The following SSX1 variants were observed in gnomAD, a reference collection of about 807,000 sequenced individuals.
The protein encoded by SSX1 is SSX family member 1.
A neutral mutation model predicts 14.6 loss-of-function variants in SSX1; 58 were observed. The ratio of observed to expected loss-of-function variants is 3.96; its 90% CI spans 3.21 to 4.93. The LOEUF (loss-of-function observed/expected upper bound fraction) is 4.93. Among genes scored for constraint, SSX1 ranks in the 30% most tolerant of loss-of-function variants. The pLI, the probability that SSX1 is intolerant of heterozygous loss-of-function variation, is 0.00. For synonymous variants in SSX1, 46 were observed against 52.1 expected (o/e 0.88, Z 0.50); for missense variants, 272 against 143.1 (o/e 1.90, Z -4.60).
chrX:48,261,865 G>A (rs1556935547), intron 5 of SSX1, 50 bp downstream of exon 5: 5 of 1,177,784 alleles, frequency 4.2e-6, no homozygotes, highest in Non-Finnish European at 5.8e-6. Flanking sequence ...TCCTTTCATG[G>A]ATGTGAACAC....
At position 48,266,869 on chromosome X, in the gene SSX1, A is replaced by T. The variant is rs1210933616; in HGVS notation, c.*20A>T. On this transcript the variant is annotated 3_prime_UTR_variant, in exon 8 of 8. Transcript: ENST00000376919. ...CTCGCCTCAGCCTGGGGGATACGAC[A>T]CATGCCCTTGATGAGAAGCAGAACG... The T allele has an allele frequency of 9.0e-7, 1 of 1,108,654 alleles. No individual in the cohort carries two copies. Among genetic ancestry groups the T allele is most frequent in the Non-Finnish European group, 1.2e-6 (1 of 816,885 alleles). The allele number at this position is 1,108,654 out of a possible 1,213,427, so 91.4% of individuals were successfully genotyped here. A position where few individuals can be genotyped will look rare whatever the true frequency, so the allele number is the denominator to read the frequency against.
intron 6 of SSX1, 59 bp downstream of exon 6, chrX:48,263,976 T>A: frequency 8.5e-7 from 1 of 1,183,076 alleles, no homozygotes; most frequent in South Asian, 1.9e-5. Context: ...TTCAGGTGTG[T>A]GGACTGGGTG....
intron 6 of SSX1, among the ~76,000 whole-genome samples, chrX:48,266,048 A>C (rs1300617973): frequency 1.8e-5 from 2 of 111,997 alleles, no homozygotes; most frequent in Non-Finnish European, 1.9e-5. Context: ...GTAAGTGAAG[A>C]GGTTGGTAAT....
At chrX:48,262,662 G>A (rs1308375768) in intron 5 of SSX1, among the ~76,000 whole-genome samples, 1 of 111,535 alleles carries the variant, frequency 9.0e-6, no homozygotes, top group African/African-American at 3.3e-5. Context: ...TGGTTTAGAA[G>A]GTAAAGGGAT....
intron 1 of SSX1, among the ~76,000 whole-genome samples, chrX:48,255,852 G>A (rs1556934205): frequency 9.6e-6 from 1 of 103,971 alleles, no homozygotes; most frequent in South Asian, 4.5e-4. Flanking sequence ...CAATCCTTCC[G>A]CCTCGGCCCT....
chrX:48,257,427 C>A, intron 2 of SSX1, 117 bp downstream of exon 2: 1 of 1,168,730 alleles, frequency 8.6e-7, no homozygotes, highest in East Asian at 3.1e-5. Flanking sequence ...CGGGGGAGAT[C>A]TGGACCCTTG....
intron 2 of SSX1, 66 bp from the exon 3 acceptor site, chrX:48,257,680 C>T (rs781827902): frequency 1.3e-4 from 154 of 1,141,842 alleles, no homozygotes; most frequent in Non-Finnish European, 1.7e-4. Context: ...ACACAGGAAG[C>T]GGCTCCAGCT....
Position 48,259,913 on chromosome X carries a change from T to C in SSX1, c.280+1282T>C, listed in dbSNP as rs782038209. Reference sequence around the variant, plus strand: ...TGTGAATAGTGCCACAATAAACATATGTGTGCATGTGTCTTTATAGCAGCA... The same window carrying C: ...TGTGAATAGTGCCACAATAAACATACGTGTGCATGTGTCTTTATAGCAGCA... On this transcript the variant is annotated intron_variant, in intron 4 of 7. Coordinates refer to ENST00000376919, the MANE Select transcript of SSX1 (RefSeq NM_005635.4). Among the ~76,000 whole-genome samples the C allele has an allele frequency of 4.2e-3, 438 of 103,627 alleles. 6 individuals carry two copies. The highest frequency in any genetic ancestry group is 0.014 in the African/African-American group (405 of 28,292). 90.0% of individuals were successfully genotyped at this position (103,627 alleles called of 115,157 possible). A position where few individuals can be genotyped will look rare whatever the true frequency, so the allele number is the denominator to read the frequency against.
Position 48,258,775 on chromosome X carries a change from T to TA in SSX1, c.280+145dup, listed in dbSNP as rs1485568812. On this transcript the variant is annotated intron_variant, in intron 4 of 7. Coordinates refer to ENST00000376919, the MANE Select transcript of SSX1 (RefSeq NM_005635.4). ...AAAAAATTGCATACAGAAAGTTAAC[T>TA]ACAGAGGCCATTCATAAAATTCTAA... The TA allele has an allele frequency of 1.2e-4, 51 of 436,271 alleles. No individual in the cohort carries two copies. The African/African-American group carries it at 1.3e-3, about 11-fold the overall frequency. The allele number at this position is 436,271 out of a possible 1,213,427, so 36.0% of individuals were successfully genotyped here. A position where few individuals can be genotyped will look rare whatever the true frequency, so the allele number is the denominator to read the frequency against.
In SSX1 at chrX:48,257,298, GAA is replaced by G. The variant is rs2059585710; in HGVS notation, c.58_59del (p.Lys20GlufsTer6). On this transcript the variant is annotated frameshift_variant, in exon 2 of 8. Coordinates refer to ENST00000376919, the MANE Select transcript of SSX1 (RefSeq NM_005635.4). LOFTEE classifies it high-confidence loss of function. ...RPRDDAKASE[K>X]RSKAFDDIAT... ...CCAGGGATGATGCTAAAGCATCAGA[GAA>G]GAGAAGCAAGGTGACGTGACCTGGA... 1 of 1,208,918 alleles carries G rather than the reference GAA, an allele frequency of 8.3e-7. No homozygotes were observed. The highest frequency in any genetic ancestry group is 1.1e-6 in the Non-Finnish European group (1 of 894,530).
chrX:48,261,955 G>C lies in SSX1; in HGVS notation c.330+140G>C, dbSNP rs1450581521. 7.4e-6 allele frequency: 5 copies of C among 674,345 alleles called. No individual in the cohort carries two copies. In the African/African-American group the frequency reaches 1.1e-4, roughly 15 times the overall value. The allele number at this position is 674,345 out of a possible 1,213,427, so 55.6% of individuals were successfully genotyped here. A position where few individuals can be genotyped will look rare whatever the true frequency, so the allele number is the denominator to read the frequency against. The stretch of plus-strand genomic sequence containing the variant: ...CTATCACAACAACTTATGTAGCACC[G>C]ACGGCTTGATAATACTAACAGTTGT... On this transcript the variant is annotated intron_variant, in intron 5 of 7. Coordinates refer to ENST00000376919, the MANE Select transcript of SSX1 (RefSeq NM_005635.4).
intron 3 of SSX1, among the ~76,000 whole-genome samples, chrX:48,258,190 T>TC (rs2059590564): frequency 4.7e-5 from 4 of 85,330 alleles, no homozygotes; most frequent in African/African-American, 1.9e-4. Context: ...TCTCCCTTTT[T>TC]TTTTTTTTTT....
At chrX:48,266,741 G>A (rs782458442) in intron 7 of SSX1, 113 bp from the exon 8 acceptor site, 11 of 552,847 alleles carry the variant, frequency 2.0e-5, no homozygotes, top group Non-Finnish European at 3.0e-5. Context: ...CCAGGTCCTG[G>A]GGTAGGGCAG....
chrX:48,257,374 G>T, intron 2 of SSX1, 64 bp downstream of exon 2: 2 of 1,189,753 alleles, frequency 1.7e-6, no homozygotes, highest in South Asian at 3.7e-5. Context: ...CCAGGTTTCT[G>T]AGGAGGGGAG....
chrX:48,266,930 T>C lies in SSX1; in HGVS notation c.*81T>C, dbSNP rs782136879. The stretch of plus-strand genomic sequence containing the variant: ...TCACGAACATGGGCATGGCTGCGGC[T>C]CCCTCGTCATCAGGTGCATAGCAAG... On this transcript the variant is annotated 3_prime_UTR_variant, in exon 8 of 8. Coordinates refer to ENST00000376919, the MANE Select transcript of SSX1 (RefSeq NM_005635.4). 8.5e-4 allele frequency: 877 copies of C among 1,032,331 alleles called. 5 individuals are homozygous for C. In the East Asian group the frequency reaches 0.013, roughly 16 times the overall value. The allele number at this position is 1,032,331 out of a possible 1,213,427, so 85.1% of individuals were successfully genotyped here. A position where few individuals can be genotyped will look rare whatever the true frequency, so the allele number is the denominator to read the frequency against.
intron 6 of SSX1, among the ~76,000 whole-genome samples, chrX:48,265,853 C>T (rs1195717860): frequency 3.6e-5 from 4 of 111,615 alleles, no homozygotes; most frequent in Non-Finnish European, 5.6e-5. Flanking sequence ...CATCAAAGCT[C>T]ACTGATCACA....
chrX:48,266,205 G>A lies in SSX1; in HGVS notation c.467-82G>A, dbSNP rs1311178135. Reference sequence around the variant, plus strand: ...GCCCATGGGCACTTGGGAGGGAGGAGGCATCTCCTTTTTTTGAGAAAACAG... The same window carrying A: ...GCCCATGGGCACTTGGGAGGGAGGAAGCATCTCCTTTTTTTGAGAAAACAG... On this transcript the variant is annotated intron_variant, in intron 6 of 7. Transcript: ENST00000376919. The A allele has an allele frequency of 1.3e-5, 16 of 1,198,287 alleles. No homozygotes were observed. The East Asian group carries it at 3.9e-4, about 29-fold the overall frequency.
intron 6 of SSX1, 63 bp downstream of exon 6, chrX:48,263,980 C>T (rs1310834916): frequency 2.5e-6 from 3 of 1,180,579 alleles, no homozygotes; most frequent in Non-Finnish European, 3.4e-6. Flanking sequence ...GGTGTGTGGA[C>T]TGGGTGTGTG....
intron 4 of SSX1, among the ~76,000 whole-genome samples, chrX:48,261,241 T>C (rs1369774018): frequency 8.9e-6 from 1 of 111,813 alleles, no homozygotes. Flanking sequence ...GAATCAACCA[T>C]CTCCCACAAT....
Sources: gnomAD v4.1 joint callset for allele counts (sites outside exome capture counted in the v4.1 genomes callset) on GRCh38, gnomAD v4.1.1 for gene constraint, MANE v1.5 for transcripts, NCBI Gene and HGNC (gene_info 2026-07-23, HGNC 2026-07-21) for gene names.